The following GALNTL6 variants were observed in gnomAD, a reference collection of about 807,000 sequenced individuals.
The protein encoded by GALNTL6 is polypeptide N-acetylgalactosaminyltransferase like 6, also known as polypeptide N-acetylgalactosaminyltransferase-like 6.
In GALNTL6, 46 loss-of-function variants were observed where a neutral mutation model predicts 73.7. The ratio of observed to expected loss-of-function variants is 0.62; its 90% confidence interval spans 0.49 to 0.80. GALNTL6 has a LOEUF of 0.80. GALNTL6 is among the 30% of genes least tolerant of loss of function. The pLI, the probability that GALNTL6 is intolerant of heterozygous loss-of-function variation, is 0.00. For missense variants in GALNTL6, 604 were observed against 755.0 expected, an observed-to-expected ratio of 0.80 and a Z score of 2.34; for synonymous variants, 259 against 263.7, an observed-to-expected ratio of 0.98 and a Z score of 0.17.
intron 3 of GALNTL6, among the ~76,000 whole-genome samples, chr4:172,303,121 T>G (rs549726080): frequency 1.2e-3 from 189 of 152,258 alleles, no homozygotes; most frequent in African/African-American, 4.3e-3. Context: ...TGCCTCAGCC[T>G]CCCGAGTAAC....
At chr4:172,300,198 C>T (rs1359468275) in intron 3 of GALNTL6, among the ~76,000 whole-genome samples, 11 of 152,030 alleles carry the variant, frequency 7.2e-5, no homozygotes, top group Non-Finnish European at 1.5e-4. Flanking sequence ...GCAAACCCTG[C>T]CTTTTTTTGT....
intron 5 of GALNTL6, among the ~76,000 whole-genome samples, chr4:172,352,890 A>C (rs333376): frequency 0.99 from 150,623 of 152,008 alleles, 74,645 homozygotes; most frequent in Middle Eastern, 1. Flanking sequence ...TCCATGTACT[A>C]TTTAGAAGGA....
chr4:172,615,189 T>TA (rs34080019), intron 5 of GALNTL6, among the ~76,000 whole-genome samples: 53,192 of 146,632 alleles, frequency 0.36, 10,492 homozygotes, highest in African/African-American at 0.51. Context: ...GCAGGTAGTT[T>TA]AAAAAAAAAA....
At chr4:171,816,680 T>G (rs2110794607) in intron 2 of GALNTL6, among the ~76,000 whole-genome samples, 1 of 152,090 alleles carries the variant, frequency 6.6e-6, no homozygotes, top group South Asian at 2.1e-4. Flanking sequence ...ACTAATACTT[T>G]TTATAGATTA....
At chr4:173,019,724 A>G (rs994092052) in intron 11 of GALNTL6, among the ~76,000 whole-genome samples, 3 of 152,216 alleles carry the variant, frequency 2.0e-5, no homozygotes, top group African/African-American at 4.8e-5. Flanking sequence ...CCTGTCTTCC[A>G]GGGTAACAGA....
chr4:172,211,651 C>T (rs988632299), intron 2 of GALNTL6, among the ~76,000 whole-genome samples: 2 of 152,140 alleles, frequency 1.3e-5, no homozygotes, highest in East Asian at 3.9e-4. Context: ...TCCATGTGGG[C>T]TGTTACAACA....
chr4:172,651,989 A>C (rs574466946), intron 5 of GALNTL6, among the ~76,000 whole-genome samples: 2 of 152,330 alleles, frequency 1.3e-5, no homozygotes, highest in African/African-American at 4.8e-5. Context: ...GGCAAATCCT[A>C]TCTGGAAGAA....
intron 6 of GALNTL6, among the ~76,000 whole-genome samples, chr4:172,811,045 G>A (rs1055361709): frequency 1.9e-4 from 29 of 152,202 alleles, no homozygotes; most frequent in Non-Finnish European, 1.6e-4. Flanking sequence ...TTCATTTCCT[G>A]TAGTCCTGAT....
intron 5 of GALNTL6, among the ~76,000 whole-genome samples, chr4:172,679,411 C>CAAAA (rs61373196): frequency 8.5e-6 from 1 of 117,664 alleles, no homozygotes; most frequent in Non-Finnish European, 1.8e-5. Context: ...AACTCCATCT[C>CAAAA]AAAAAAAAAA....
rs189154790 is a variant in GALNTL6 at position 171,959,577 on chromosome 4, A to G, written c.138+144859A>G. Among the ~76,000 whole-genome samples the G allele has an allele frequency of 2.1e-3, 317 of 152,266 alleles. 3 individuals are homozygous for G. Among genetic ancestry groups the G allele is most frequent in the Non-Finnish European group, 4.1e-4 (28 of 68,020 alleles). On this transcript the variant is annotated intron_variant, in intron 2 of 12. Coordinates refer to ENST00000506823, the MANE Select transcript of GALNTL6 (RefSeq NM_001034845.3). ...TATACATACTTACTCAGAGCTGAGC[A>G]TAGTGGCACATGTCTGTGGTCCCAG...
chr4:172,496,860 C>T (rs1734087273), intron 5 of GALNTL6, among the ~76,000 whole-genome samples: 1 of 152,130 alleles, frequency 6.6e-6, no homozygotes, highest in South Asian at 2.1e-4. Context: ...CACCTCAGTT[C>T]CCTCATGTGC....
chr4:172,514,823 A>C (rs1256913956), intron 5 of GALNTL6, among the ~76,000 whole-genome samples: 1 of 151,942 alleles, frequency 6.6e-6, no homozygotes, highest in Non-Finnish European at 1.5e-5. Context: ...CAGCTCTCTA[A>C]ATTTATTTCA....
At chr4:172,493,137 T>C (rs1289305123) in intron 5 of GALNTL6, among the ~76,000 whole-genome samples, 1 of 152,194 alleles carries the variant, frequency 6.6e-6, no homozygotes, top group African/African-American at 2.4e-5. Flanking sequence ...CCATACATAA[T>C]AATAATTTTA....
chr4:172,364,596 A>C (rs1198522493), intron 5 of GALNTL6, among the ~76,000 whole-genome samples: 1 of 152,170 alleles, frequency 6.6e-6, no homozygotes, highest in Non-Finnish European at 1.5e-5. Context: ...AAAAGATAAC[A>C]TTTCTTCCCT....
intron 12 of GALNTL6, among the ~76,000 whole-genome samples, chr4:173,035,696 A>G (rs1031600457): frequency 6.6e-6 from 1 of 152,254 alleles, no homozygotes; most frequent in African/African-American, 2.4e-5. Context: ...AATTGCACAG[A>G]AGAGCTCATT....
intron 4 of GALNTL6, among the ~76,000 whole-genome samples, chr4:172,339,257 C>CACACACACA (rs1183829946): frequency 1.7e-5 from 2 of 120,952 alleles, no homozygotes; most frequent in Non-Finnish European, 3.4e-5. Flanking sequence ...CACACACACA[C>CACACACACA]CACACACACA....
At position 171,928,920 on chromosome 4, in the gene GALNTL6, A is replaced by G. The variant is rs149441558; in HGVS notation, c.138+114202A>G. Among the ~76,000 whole-genome samples, 177 of 152,354 alleles carry G rather than the reference A, an allele frequency of 1.2e-3. 2 individuals are homozygous for G. The highest frequency in any genetic ancestry group is 6.8e-3 in the Middle Eastern group (2 of 294). ...ATCACCTAATGACACATTTCCCAGA[A>G]TGTATTCCCATTAAGTGACACATGG... On this transcript the variant is annotated intron_variant, in intron 2 of 12. Transcript: ENST00000506823.
chr4:172,847,831 G>A (rs1013958815), intron 7 of GALNTL6, among the ~76,000 whole-genome samples: 2 of 152,088 alleles, frequency 1.3e-5, no homozygotes, highest in South Asian at 4.1e-4. Flanking sequence ...AAGACATGAG[G>A]GATCCCTAAA....
intron 2 of GALNTL6, among the ~76,000 whole-genome samples, chr4:171,828,747 C>T (rs1734889771): frequency 6.6e-6 from 1 of 152,090 alleles, no homozygotes; most frequent in Admixed American, 6.5e-5. Flanking sequence ...CTCAGCCTCC[C>T]AAGTAGCTGG....
Sources: gnomAD v4.1 joint callset for allele counts (sites outside exome capture counted in the v4.1 genomes callset) on GRCh38, gnomAD v4.1.1 for gene constraint, MANE v1.5 for transcripts, NCBI Gene and HGNC (gene_info 2026-07-23, HGNC 2026-07-21) for gene names.